RYR2: variants seen among roughly 807,000 people sequenced by gnomAD.
The protein encoded by RYR2 is cardiac muscle ryanodine receptor-calcium release channel.
In RYR2, 227 loss-of-function variants were observed where a neutral mutation model predicts 601.1. The observed-to-expected ratio is 0.38, with a 90% CI of 0.34 to 0.42. The LOEUF is 0.42. RYR2 is among the 10% of genes least tolerant of loss of function. The probability of loss-of-function intolerance (pLI) is 1.00; values close to 1 mark genes in which losing one functional copy is unlikely to be tolerated. For synonymous variants in RYR2, 2,223 were observed against 2,175.1 expected (o/e 1.02, Z -0.61); for missense variants, 4,646 against 6,156.5 (o/e 0.75, Z 8.21).
intron 81 of RYR2, among the ~76,000 whole-genome samples, chr1:237,757,379 AAC>A (rs1371578260): frequency 6.6e-6 from 1 of 152,224 alleles, no homozygotes; most frequent in Non-Finnish European, 1.5e-5. Context: ...ATGTTTATTA[AAC>A]ACATAATTAA....
intron 1 of RYR2, among the ~76,000 whole-genome samples, chr1:237,251,380 C>G (rs557062363): frequency 3.3e-5 from 5 of 152,308 alleles, no homozygotes; most frequent in African/African-American, 1.2e-4. Context: ...CCAGTGAACA[C>G]CACGTTGCCA....
Position 237,674,767 on chromosome 1 carries a change from T to C in RYR2, c.8751T>C (p.Ile2917=). Residue 2917 remains isoleucine (I), a synonymous_variant, in exon 60 of 105, where the codon ATT becomes ATC. Transcript: ENST00000366574. The part of the protein sequence containing the change: ...FKDLELDTPS[I]EKRFAYSFLQ... ...ACCTGGAACTGGACACGCCTTCTAT[T>C]GAGAAACGATTTGCCTATAGTTTCC... The C allele has an allele frequency of 6.2e-7, 1 of 1,610,954 alleles. No homozygotes were observed. The highest frequency in any genetic ancestry group is 8.5e-7 in the Non-Finnish European group (1 of 1,177,414).
intron 19 of RYR2, among the ~76,000 whole-genome samples, chr1:237,494,542 A>G (rs979053783): frequency 2.6e-5 from 4 of 151,934 alleles, no homozygotes; most frequent in African/African-American, 4.8e-5. Context: ...TCGTTTGGCA[A>G]CCCCCTCACA....
chr1:237,654,262 T>A lies in RYR2; in HGVS notation c.7825-12T>A, dbSNP rs1683034865. 6.2e-7 allele frequency: 1 copy of A among 1,612,204 alleles called. No individual in the cohort carries two copies. Among genetic ancestry groups the A allele is most frequent in the South Asian group, 1.1e-5 (1 of 90,476 alleles). Reference sequence around the variant, plus strand: ...GATAGCTCATTGCTTTTATAATTGTTTTCCCACATAGCTGCTGACAAATCA... The same window carrying A: ...GATAGCTCATTGCTTTTATAATTGTATTCCCACATAGCTGCTGACAAATCA... On this transcript the variant is annotated splice_polypyrimidine_tract_variant and intron_variant, in intron 51 of 104. Transcript: ENST00000366574.
intron 48 of RYR2, 61 bp from the exon 49 acceptor site, chr1:237,648,383 T>C: frequency 7.5e-7 from 1 of 1,341,878 alleles, no homozygotes; most frequent in African/African-American, 1.5e-5. Flanking sequence ...AAAGCAGCCA[T>C]TTGTAATCTA....
At chr1:237,813,223 G>A (rs921371338) in intron 100 of RYR2, among the ~76,000 whole-genome samples, 1 of 152,144 alleles carries the variant, frequency 6.6e-6, no homozygotes, top group Non-Finnish European at 1.5e-5. Context: ...TACATTGCCT[G>A]CAGTGACTTC....
Position 237,180,281 on chromosome 1 carries a change from C to T in RYR2, c.49-90216C>T, listed in dbSNP as rs770485658. ...TGAGGAATGACAAGGGAAGATTCCA[C>T]GCTGCCTATCCCTAGCCCTCAGAGC... On this transcript the variant is annotated intron_variant, in intron 1 of 104. Transcript: ENST00000366574. The surrounding 1 kb of genome is among the most constrained non-coding windows in gnomAD (Gnocchi z 5.3). Among the ~76,000 whole-genome samples the T allele has an allele frequency of 2.0e-5, 3 of 152,116 alleles. No homozygotes were observed. Among genetic ancestry groups the T allele is most frequent in the Non-Finnish European group, 2.9e-5 (2 of 68,030 alleles).
At chr1:237,601,265 G>A (rs1024183327) in intron 34 of RYR2, among the ~76,000 whole-genome samples, 1 of 152,102 alleles carries the variant, frequency 6.6e-6, no homozygotes, top group African/African-American at 2.4e-5. Flanking sequence ...AAAAAAATGA[G>A]AACCTGTCAT....
At chr1:237,405,385 T>C (rs1394239056) in intron 10 of RYR2, among the ~76,000 whole-genome samples, 5 of 152,242 alleles carry the variant, frequency 3.3e-5, no homozygotes, top group Admixed American at 3.3e-4. Context: ...TGGAATGCCC[T>C]TGAAACAAAA....
intron 1 of RYR2, among the ~76,000 whole-genome samples, chr1:237,149,757 G>C (rs1404035836): frequency 6.6e-6 from 1 of 151,212 alleles, no homozygotes; most frequent in Non-Finnish European, 1.5e-5. Context: ...CTTATCATTG[G>C]CTATCCTATT....
chr1:237,616,931 C>T (rs1218111150), intron 37 of RYR2, among the ~76,000 whole-genome samples: 1 of 152,128 alleles, frequency 6.6e-6, no homozygotes, highest in African/African-American at 2.4e-5. Flanking sequence ...TCTTGTGAGA[C>T]TTATTCACTA....
At chr1:237,384,220 A>G (rs1701792506) in intron 8 of RYR2, among the ~76,000 whole-genome samples, 2 of 152,218 alleles carry the variant, frequency 1.3e-5, no homozygotes, top group South Asian at 2.1e-4. Context: ...TCATATGCTT[A>G]TGGTTCTCTC....
intron 1 of RYR2, among the ~76,000 whole-genome samples, chr1:237,171,704 C>G (rs1368463598): frequency 6.6e-6 from 1 of 152,174 alleles, no homozygotes; most frequent in African/African-American, 2.4e-5. Context: ...TCAGGCTTCT[C>G]TAATTATGCA....
chr1:237,655,707 A>C, intron 52 of RYR2, 114 bp from the exon 53 acceptor site: 16 of 877,464 alleles, frequency 1.8e-5, no homozygotes, highest in Non-Finnish European at 2.7e-5. Flanking sequence ...CAGAGAGTTC[A>C]GTTAGTCCAG....
chr1:237,743,247 A>C (rs1169615902), intron 80 of RYR2, among the ~76,000 whole-genome samples: 1 of 152,210 alleles, frequency 6.6e-6, no homozygotes, highest in Non-Finnish European at 1.5e-5. Flanking sequence ...TAGCCAATGA[A>C]TAAGCTCAGA....
chr1:237,787,857 C>T lies in RYR2; in HGVS notation c.13329-131C>T, dbSNP rs1369818804. The T allele has an allele frequency of 4.8e-6, 4 of 834,390 alleles. No individual in the cohort carries two copies. The Admixed American group carries it at 1.1e-4, about 23-fold the overall frequency. The allele number at this position is 834,390 out of a possible 1,614,324, so 51.7% of individuals were successfully genotyped here. A position where few individuals can be genotyped will look rare whatever the true frequency, so the allele number is the denominator to read the frequency against. ...CTAAAATTCAGAATATTATCATTCA[C>T]CGGAAAAGAAATTAGTTTTCAAAAG... On this transcript the variant is annotated intron_variant, in intron 91 of 104. Coordinates refer to ENST00000366574, the MANE Select transcript of RYR2 (RefSeq NM_001035.3).
intron 39 of RYR2, among the ~76,000 whole-genome samples, chr1:237,625,115 A>G (rs1329385485): frequency 6.6e-6 from 1 of 151,688 alleles, no homozygotes; most frequent in African/African-American, 2.4e-5. Flanking sequence ...GGATACTAGA[A>G]TTCTAGTATC....
At chr1:237,141,073 G>T (rs1332447499) in intron 1 of RYR2, among the ~76,000 whole-genome samples, 1 of 152,170 alleles carries the variant, frequency 6.6e-6, no homozygotes, top group African/African-American at 2.4e-5. Flanking sequence ...GTCTTCTTGT[G>T]CAAAGTGTGA....
chr1:237,741,299 C>T (rs1259871225), intron 79 of RYR2, among the ~76,000 whole-genome samples: 1 of 152,122 alleles, frequency 6.6e-6, no homozygotes, highest in African/African-American at 2.4e-5. Flanking sequence ...TTTACCTTCC[C>T]TCCCATCCCC....
Sources: allele counts gnomAD v4.1 joint callset (sites outside exome capture counted in the v4.1 genomes callset), GRCh38; gene constraint gnomAD v4.1.1; non-coding constraint Gnocchi (gnomAD v3.1); transcripts MANE v1.5; gene names NCBI Gene and HGNC (gene_info 2026-07-23, HGNC 2026-07-21).